Variants in SFRP1 observed in about 807,000 individuals in gnomAD.
The protein encoded by SFRP1 is secreted frizzled-related protein 1.
SFRP1 carries 9 observed loss-of-function variants against 25.9 expected under a neutral mutation model. The observed-to-expected ratio is 0.35, with a 90% CI of 0.21 to 0.61. The LOEUF (loss-of-function observed/expected upper bound fraction) is 0.61, where lower values mean the gene tolerates loss of function less well. Among genes scored for constraint, SFRP1 ranks in the 20% least tolerant of loss-of-function variants. The pLI is 0.78. For missense variants in SFRP1, 346 were observed against 418.2 expected (o/e 0.83, Z 1.51); for synonymous variants, 178 against 174.0 (o/e 1.02, Z -0.18).
chr8:41,273,469 G>A (rs1008343305), intron 2 of SFRP1, among the ~76,000 whole-genome samples: 5 of 151,990 alleles, frequency 3.3e-5, no homozygotes, highest in African/African-American at 1.2e-4. Flanking sequence ...TCCAGCCTGG[G>A]CCTCTGTCTC....
At chr8:41,275,042 G>T in intron 2 of SFRP1, 1 of 279,056 alleles carries the variant, frequency 3.6e-6, no homozygotes, top group Non-Finnish European at 7.1e-6. Flanking sequence ...GAGGGAGGCA[G>T]TCCACTGATT....
intron 2 of SFRP1, among the ~76,000 whole-genome samples, chr8:41,286,126 C>T (rs1803698168): frequency 6.6e-6 from 1 of 151,716 alleles, no homozygotes; most frequent in Non-Finnish European, 1.5e-5. Flanking sequence ...AATGGGGGGA[C>T]AGGGATGGGG....
chr8:41,306,612 C>A, intron 1 of SFRP1: 1 of 1,304,942 alleles, frequency 7.7e-7, no homozygotes, highest in Non-Finnish European at 1.0e-6. Flanking sequence ...AGGGCAGAGC[C>A]CCCCACCAAA....
At chr8:41,305,223 C>T (rs1402833110) in intron 1 of SFRP1, among the ~76,000 whole-genome samples, 2 of 152,204 alleles carry the variant, frequency 1.3e-5, no homozygotes, top group Non-Finnish European at 2.9e-5. Context: ...TCTGTGAATA[C>T]AATCTTGACC....
At position 41,309,342 on chromosome 8, in the gene SFRP1, CGGAGGCGGCGCGGGCGG is replaced by C. The variant is rs1027800058; in HGVS notation, c.-200_-184del. The C allele has an allele frequency of 5.4e-4, 306 of 566,690 alleles. 2 individuals are homozygous for C. In the East Asian group the frequency reaches 0.012, roughly 22 times the overall value. The allele number at this position is 566,690 out of a possible 1,614,324, so 35.1% of individuals were successfully genotyped here. Reference sequence around the variant, plus strand: ...CCAGTGGCGGCCCTCGGCCTGCGGTCGGAGGCGGCGCGGGCGGGGAGGCGGCGCTGCGGGCTGGGTGC... The same window carrying C: ...CCAGTGGCGGCCCTCGGCCTGCGGTCGGAGGCGGCGCTGCGGGCTGGGTGC... On this transcript the variant is annotated 5_prime_UTR_variant, in exon 1 of 3. Transcript: ENST00000220772.
chr8:41,289,586 C>A (rs749378862), intron 2 of SFRP1, among the ~76,000 whole-genome samples: 1 of 152,194 alleles, frequency 6.6e-6, no homozygotes, highest in Non-Finnish European at 1.5e-5. Context: ...CCAATGCACT[C>A]TTTAAATCCT....
chr8:41,301,344 A>G (rs906673123), intron 2 of SFRP1, among the ~76,000 whole-genome samples: 3 of 152,074 alleles, frequency 2.0e-5, no homozygotes, highest in African/African-American at 4.8e-5. Flanking sequence ...TGACTGCCTC[A>G]CTTACTTGAA....
rs533416373 is a variant in SFRP1, at chr8:41,267,735, T to G, written c.623-2246A>C. 1.4e-3 allele frequency among the ~76,000 whole-genome samples: 218 copies of G among 152,370 alleles called. 1 individual carries two copies. Among genetic ancestry groups the G allele is most frequent in the Non-Finnish European group, 2.6e-3 (176 of 68,036 alleles). ...ATGAGAAAACTGAGGCATAGGGGGT[T>G]AAGTTGGCTTGCCTAAAGTCACTAA... On this transcript the variant is annotated intron_variant, in intron 2 of 2. Coordinates refer to ENST00000220772, the MANE Select transcript of SFRP1 (RefSeq NM_003012.5).
Position 41,309,172 on chromosome 8 carries a change from C to G in SFRP1, c.-13G>C. ...GCCCGATGCCCATGCCGGCTCTGCGCCCTGTTCTCCGCGACGTCGGGGCTG... is the reference window on the plus strand; with the variant it reads ...GCCCGATGCCCATGCCGGCTCTGCGGCCTGTTCTCCGCGACGTCGGGGCTG... On this transcript the variant is annotated 5_prime_UTR_variant, in exon 1 of 3. Transcript: ENST00000220772. The G allele has an allele frequency of 7.6e-7, 1 of 1,319,178 alleles. No individual in the cohort carries two copies. The allele number at this position is 1,319,178 out of a possible 1,614,324, so 81.7% of individuals were successfully genotyped here.
chr8:41,268,451 C>A (rs1052487457), intron 2 of SFRP1, among the ~76,000 whole-genome samples: 3 of 152,138 alleles, frequency 2.0e-5, no homozygotes, highest in South Asian at 2.1e-4. Context: ...CAATTCAAAT[C>A]AAAAATTAAT....
chr8:41,299,414 A>T (rs991317063), intron 2 of SFRP1, among the ~76,000 whole-genome samples: 3 of 149,666 alleles, frequency 2.0e-5, no homozygotes, highest in Non-Finnish European at 4.4e-5. Flanking sequence ...GTATATGCTC[A>T]GTCACCCAAA....
At chr8:41,287,939 G>C (rs1803726740) in intron 2 of SFRP1, among the ~76,000 whole-genome samples, 1 of 152,170 alleles carries the variant, frequency 6.6e-6, no homozygotes, top group Admixed American at 6.5e-5. Flanking sequence ...TGACAAGTTA[G>C]AGGAGAACTG....
At chr8:41,275,103 C>T (rs1803555401) in intron 2 of SFRP1, 3 of 398,522 alleles carry the variant, frequency 7.5e-6, no homozygotes, top group South Asian at 5.3e-5. Flanking sequence ...GGTTAGAATG[C>T]AAATTATTTA....
intron 1 of SFRP1, among the ~76,000 whole-genome samples, chr8:41,308,168 C>T (rs976093851): frequency 6.6e-6 from 1 of 152,230 alleles, no homozygotes; most frequent in Admixed American, 6.5e-5. Context: ...CTCGGCCTTT[C>T]TGAACTTTCT....
intron 2 of SFRP1, among the ~76,000 whole-genome samples, chr8:41,295,681 C>T (rs1480259464): frequency 2.0e-5 from 3 of 152,088 alleles, no homozygotes; most frequent in Non-Finnish European, 4.4e-5. Flanking sequence ...TACCTAATTC[C>T]CAAATGGGTC....
chr8:41,281,847 T>C (rs1803637948), intron 2 of SFRP1, among the ~76,000 whole-genome samples: 1 of 152,166 alleles, frequency 6.6e-6, no homozygotes, highest in South Asian at 2.1e-4. Context: ...CTGACCACTC[T>C]CTGGTGTTCT....
chr8:41,263,740 G>C lies in SFRP1; in HGVS notation c.*1427C>G, dbSNP rs1252078386. The C allele has an allele frequency of 6.6e-6, 1 of 152,160 alleles. No individual in the cohort carries two copies. The highest frequency in any genetic ancestry group is 1.5e-5 in the Non-Finnish European group (1 of 68,030). 9.4% of individuals were successfully genotyped at this position (152,160 alleles called of 1,614,324 possible). Reference sequence around the variant, plus strand: ...TATACATCGCTGATTAAACATAAGGGCTTTGGGAAGTATCTCAGGGTACTT... The same window carrying C: ...TATACATCGCTGATTAAACATAAGGCCTTTGGGAAGTATCTCAGGGTACTT... On this transcript the variant is annotated 3_prime_UTR_variant, in exon 3 of 3. Transcript: ENST00000220772.
intron 2 of SFRP1, among the ~76,000 whole-genome samples, chr8:41,294,958 AG>A (rs368473915): frequency 2.0e-5 from 3 of 152,328 alleles, no homozygotes; most frequent in African/African-American, 4.8e-5. Context: ...TCAGCCCTGC[AG>A]GAAGAACCCC....
rs150391859 is a variant in SFRP1 at position 41,274,117 on chromosome 8, C to T, written c.623-8628G>A. On this transcript the variant is annotated intron_variant, in intron 2 of 2. Transcript: ENST00000220772. Reference sequence around the variant, plus strand: ...TGGGGGCTGCATTGTTCCAAGGCTTCTCTGGTTCTCCAGCTTGCAGACAGC... The same window carrying T: ...TGGGGGCTGCATTGTTCCAAGGCTTTTCTGGTTCTCCAGCTTGCAGACAGC... Among the ~76,000 whole-genome samples the T allele has an allele frequency of 2.2e-3, 331 of 152,334 alleles. 1 individual carries two copies. The highest frequency in any genetic ancestry group is 7.5e-3 in the African/African-American group (312 of 41,580).
Sources: gnomAD v4.1 joint callset for allele counts (sites outside exome capture counted in the v4.1 genomes callset) on GRCh38, gnomAD v4.1.1 for gene constraint, MANE v1.5 for transcripts, NCBI Gene and HGNC (gene_info 2026-07-23, HGNC 2026-07-21) for gene names.